The following TAMM41 variants were observed in gnomAD, a reference collection of about 807,000 sequenced individuals.
TAMM41 encodes phosphatidate cytidylyltransferase, mitochondrial.
A neutral mutation model predicts 44.1 loss-of-function variants in TAMM41; 36 were observed. That is an observed-to-expected ratio of 0.82 (90% CI 0.63 to 1.08). The LOEUF (loss-of-function observed/expected upper bound fraction) is 1.08. Ranked by LOEUF, TAMM41 falls within the 50% of genes least tolerant of loss-of-function variation. The probability of loss-of-function intolerance (pLI) is 0.00; values close to 1 mark genes in which losing one functional copy is unlikely to be tolerated. For synonymous variants in TAMM41, 164 were observed against 153.1 expected (o/e 1.07, Z -0.53); for missense variants, 417 against 404.3 (o/e 1.03, Z -0.27).
chr3:11,824,694 A>G (rs2078669397), intron 4 of TAMM41, among the ~76,000 whole-genome samples: 1 of 152,150 alleles, frequency 6.6e-6, no homozygotes, highest in African/African-American at 2.4e-5. Flanking sequence ...TCCACTCATC[A>G]AATATTTACT....
the TAMM41 span, among the ~76,000 whole-genome samples, chr3:11,745,814 A>G: frequency 6.6e-6 from 1 of 152,200 alleles, no homozygotes; most frequent in Admixed American, 6.5e-5. Context: ...ACACTGAAAA[A>G]TGATCAAGAT....
chr3:11,763,120 T>A, the TAMM41 span, among the ~76,000 whole-genome samples: 1 of 152,184 alleles, frequency 6.6e-6, no homozygotes, highest in Non-Finnish European at 1.5e-5. Flanking sequence ...CTTTTGCCAA[T>A]TGGAAATCCT....
chr3:11,775,443 G>C, the TAMM41 span, among the ~76,000 whole-genome samples: 1 of 152,166 alleles, frequency 6.6e-6, no homozygotes, highest in African/African-American at 2.4e-5. Flanking sequence ...ATTTCACCAA[G>C]GTGGCCAGGA....
intron 3 of TAMM41, among the ~76,000 whole-genome samples, chr3:11,836,835 TA>T (rs2125051534): frequency 6.6e-6 from 1 of 152,382 alleles, no homozygotes; most frequent in African/African-American, 2.4e-5. Context: ...ATAAAATATT[TA>T]CAAATTTCCA....
the TAMM41 span, among the ~76,000 whole-genome samples, chr3:11,769,186 T>TTCTCC: frequency 6.6e-6 from 1 of 151,998 alleles, no homozygotes; most frequent in Non-Finnish European, 1.5e-5. Context: ...ACCTGACGGG[T>TTCTCC]TCAAGCGATT....
At chr3:11,768,454 C>T in the TAMM41 span, among the ~76,000 whole-genome samples, 22 of 152,264 alleles carry the variant, frequency 1.4e-4, no homozygotes, top group African/African-American at 4.8e-4. Context: ...TTTTTAAAGT[C>T]GTGAATGTAC....
chr3:11,751,028 C>T, the TAMM41 span, among the ~76,000 whole-genome samples: 2 of 151,886 alleles, frequency 1.3e-5, no homozygotes, highest in East Asian at 3.9e-4. Flanking sequence ...AGGGTGCACA[C>T]TCTCATCCCA....
the TAMM41 span, among the ~76,000 whole-genome samples, chr3:11,742,844 C>T: frequency 1.7e-4 from 26 of 152,148 alleles, no homozygotes; most frequent in South Asian, 5.4e-3. Flanking sequence ...GATCTTCCTG[C>T]CTTGGCCTCC....
At chr3:11,841,412 T>C (rs894353573) in intron 2 of TAMM41, among the ~76,000 whole-genome samples, 8 of 152,164 alleles carry the variant, frequency 5.3e-5, no homozygotes, top group Admixed American at 2.6e-4. Context: ...ATAATTTGTA[T>C]AAATCCTGTA....
At chr3:11,763,217 C>A in the TAMM41 span, among the ~76,000 whole-genome samples, 1 of 152,222 alleles carries the variant, frequency 6.6e-6, no homozygotes, top group Admixed American at 6.5e-5. Context: ...TGGCTCACTG[C>A]AGCCTTGACC....
chr3:11,823,779 G>C (rs1263367628), intron 4 of TAMM41, among the ~76,000 whole-genome samples: 1 of 146,876 alleles, frequency 6.8e-6, no homozygotes, highest in East Asian at 2.0e-4. Flanking sequence ...TCCTGCCTCA[G>C]CCTCCCTAGT....
chr3:11,774,755 CACATAGAAGAAGGA>C, the TAMM41 span, among the ~76,000 whole-genome samples: 1 of 152,158 alleles, frequency 6.6e-6, no homozygotes, highest in Non-Finnish European at 1.5e-5. Flanking sequence ...ATTGCAACTT[CACATAGAAGAAGGA>C]AGAAAGGATC....
chr3:11,831,044 T>A (rs1173477297), intron 3 of TAMM41, among the ~76,000 whole-genome samples: 1 of 152,138 alleles, frequency 6.6e-6, no homozygotes, highest in Non-Finnish European at 1.5e-5. Flanking sequence ...AATAACAGAA[T>A]CAAGCTCATA....
intron 4 of TAMM41, among the ~76,000 whole-genome samples, chr3:11,818,846 C>A (rs1357019943): frequency 6.8e-6 from 1 of 148,084 alleles, no homozygotes; most frequent in African/African-American, 2.5e-5. Flanking sequence ...TGCAGTGAGC[C>A]GAGATCGCGC....
At chr3:11,808,006 C>T in intron 6 of TAMM41, 111 bp from the exon 7 acceptor site, 3 of 1,439,398 alleles carry the variant, frequency 2.1e-6, no homozygotes, top group Non-Finnish European at 2.7e-6. Flanking sequence ...CCAATCAAAC[C>T]ACCAAATCTA....
At chr3:11,826,530 CAAA>C (rs11388352) in intron 4 of TAMM41, among the ~76,000 whole-genome samples, 1 of 62,220 alleles carries the variant, frequency 1.6e-5, no homozygotes. Flanking sequence ...CCTTGTCTCT[CAAA>C]AAAAAAAAAA....
the TAMM41 span, among the ~76,000 whole-genome samples, chr3:11,750,975 C>A: frequency 6.6e-6 from 1 of 151,666 alleles, no homozygotes; most frequent in Non-Finnish European, 1.5e-5. Flanking sequence ...CTAGCCTGGA[C>A]AATAAGACAT....
the TAMM41 span, among the ~76,000 whole-genome samples, chr3:11,748,530 C>T: frequency 6.6e-6 from 1 of 152,036 alleles, no homozygotes; most frequent in Admixed American, 6.6e-5. Context: ...AGGCATGCAC[C>T]GCCATGGCTG....
At chr3:11,828,794 C>A (rs2078865220) in intron 4 of TAMM41, among the ~76,000 whole-genome samples, 1 of 152,292 alleles carries the variant, frequency 6.6e-6, no homozygotes, top group South Asian at 2.1e-4. Flanking sequence ...CCTCTAAGGT[C>A]TCTTACAGCA....
Sources: allele counts gnomAD v4.1 joint callset (sites outside exome capture counted in the v4.1 genomes callset), GRCh38; gene constraint gnomAD v4.1.1; transcripts MANE v1.5; gene names NCBI Gene and HGNC (gene_info 2026-07-23, HGNC 2026-07-21).